Variants in RASA4B observed in about 807,000 individuals in gnomAD.
RASA4B encodes RAS p21 protein activator 4B, also known as ras GTPase-activating protein 4B.
A neutral mutation model predicts 24.2 loss-of-function variants in RASA4B; 2 were observed. The ratio of observed to expected loss-of-function variants is 0.08; its 90% confidence interval spans 0.03 to 0.26. The LOEUF (loss-of-function observed/expected upper bound fraction) is 0.26. RASA4B is among the 10% of genes least tolerant of loss of function. The pLI, the probability that RASA4B is intolerant of heterozygous loss-of-function variation, is 1.00. For synonymous variants in RASA4B, 2 were observed against 125.6 expected (o/e 0.02, Z 6.58); for missense variants, 8 against 277.2 (o/e 0.03, Z 6.90).
intron 15 of RASA4B, among the ~76,000 whole-genome samples, chr7:102,493,583 T>G (rs1389918898): frequency 2.4e-5 from 1 of 42,548 alleles, no homozygotes; most frequent in African/African-American, 3.8e-5. Context: ...GCGCAGATGA[T>G]GGGGGGGTGA....
At chr7:102,485,192 G>A (rs1798669717) in intron 18 of RASA4B, 33 bp from the exon 19 acceptor site, 1 of 604,048 alleles carries the variant, frequency 1.7e-6, no homozygotes, top group African/African-American at 1.9e-5. Context: ...GTTACGAGCA[G>A]ACACTTGGGA....
chr7:102,496,163 T>C lies in RASA4B; in HGVS notation c.1048A>G (p.Lys350Glu). ...ACCTTCAGAAAAGACTCCACGGACT[T>C]TGAGGCCAGAGAGTTGCTCCGGAAC... The part of the protein sequence containing the change: ...TLFRSNSLAS[K>E]SVESFLKVAG... The change falls in exon 11 of 21, where the codon AAG becomes GAG. Residue 350 changes from lysine (K) to glutamate (E), a missense_variant. By Grantham distance (56) the Lys-to-Glu change is moderately conservative. Coordinates refer to ENST00000465829, the MANE Select transcript of RASA4B (RefSeq NM_001367767.2). The C allele has an allele frequency of 6.2e-7, 1 of 1,613,814 alleles. No individual in the cohort carries two copies. The highest frequency in any genetic ancestry group is 8.5e-7 in the Non-Finnish European group (1 of 1,179,782).
Position 102,480,775 on chromosome 7 carries a change from CTTT to C in RASA4B, c.*2814_*2816del, listed in dbSNP as rs1798594861. On this transcript the variant is annotated 3_prime_UTR_variant, in exon 21 of 21. Coordinates refer to ENST00000465829, the MANE Select transcript of RASA4B (RefSeq NM_001367767.2). ...GACGCTTACAACACAACTGCAATATCTTTTTTGTTTGTTTGTTTGTTTTTGTAA... is the reference window on the plus strand; with the variant it reads ...GACGCTTACAACACAACTGCAATATCTTTGTTTGTTTGTTTGTTTTTGTAA... 1.7e-5 allele frequency among the ~76,000 whole-genome samples: 1 copy of C among 57,544 alleles called. No homozygotes were observed. Among genetic ancestry groups the C allele is most frequent in the Non-Finnish European group, 4.7e-5 (1 of 21,332 alleles). 37.8% of individuals were successfully genotyped at this position (57,544 alleles called of 152,430 possible).
At position 102,480,030 on chromosome 7, in the gene RASA4B, T is replaced by C. The variant is rs1262735094; in HGVS notation, c.*3562A>G. Among the ~76,000 whole-genome samples the C allele has an allele frequency of 6.6e-6, 1 of 152,152 alleles. No individual in the cohort carries two copies. The highest frequency in any genetic ancestry group is 1.9e-4 in the East Asian group (1 of 5,208). ...TATAATAATCCTCGCTCTACAATCATAACCTAGGAAACACCAGGCCATACA... is the reference window on the plus strand; with the variant it reads ...TATAATAATCCTCGCTCTACAATCACAACCTAGGAAACACCAGGCCATACA... On this transcript the variant is annotated 3_prime_UTR_variant, in exon 21 of 21. Transcript: ENST00000465829.
At chr7:102,500,529 A>G (rs1417584552) in intron 8 of RASA4B, among the ~76,000 whole-genome samples, 170 bp downstream of exon 8, 6 of 139,936 alleles carry the variant, frequency 4.3e-5, no homozygotes, top group Non-Finnish European at 6.4e-5. Context: ...GAGCCCAGCC[A>G]GGATGAGAAG....
At chr7:102,492,688 G>C (rs1274030187) in intron 16 of RASA4B, among the ~76,000 whole-genome samples, 1 of 138,446 alleles carries the variant, frequency 7.2e-6, no homozygotes, top group Non-Finnish European at 1.6e-5. Flanking sequence ...TTTTTGAGAC[G>C]GAGTCTTGCT....
intron 8 of RASA4B, among the ~76,000 whole-genome samples, chr7:102,500,285 A>C (rs1339108394): frequency 2.3e-5 from 2 of 85,324 alleles, no homozygotes; most frequent in Non-Finnish European, 5.0e-5. Context: ...ATCCTGGCTA[A>C]CATGGTGAAA....
chr7:102,486,658 G>GT (rs1172292426), intron 18 of RASA4B, among the ~76,000 whole-genome samples: 10 of 8,614 alleles, frequency 1.2e-3, no homozygotes, highest in South Asian at 5.0e-3. Context: ...TTTCTTTTCT[G>GT]TTTTTTTTTT....
intron 17 of RASA4B, among the ~76,000 whole-genome samples, chr7:102,490,648 G>T (rs1798896222): frequency 6.6e-6 from 1 of 152,232 alleles, no homozygotes. Context: ...ACCCTGCGGT[G>T]CCTGATGTAG....
intron 19 of RASA4B, among the ~76,000 whole-genome samples, chr7:102,484,621 G>C (rs1250344527): frequency 5.6e-5 from 7 of 125,322 alleles, no homozygotes; most frequent in East Asian, 6.7e-4. Context: ...AAGTATCCTG[G>C]CACCAGCCAC....
rs183856188 is a variant in RASA4B at position 102,480,042 on chromosome 7, C to A, written c.*3550G>T. Among the ~76,000 whole-genome samples, 395 of 151,778 alleles carry A rather than the reference C, an allele frequency of 2.6e-3. 6 individuals are homozygous for A. Among genetic ancestry groups the A allele is most frequent in the Admixed American group, 0.019 (289 of 15,190 alleles). On this transcript the variant is annotated 3_prime_UTR_variant, in exon 21 of 21. Coordinates refer to ENST00000465829, the MANE Select transcript of RASA4B (RefSeq NM_001367767.2). ...CGCTCTACAATCATAACCTAGGAAA[C>A]ACCAGGCCATACAGAGATAGGAGCT...
rs1287431655 is a variant in RASA4B, at chr7:102,493,586, G to A, written c.1660+239C>T. ...AAATGTCAACAGGCGCAGATGATGGGGGGGTGAGGCCATGGGTCTAGGGCT... is the reference window on the plus strand; with the variant it reads ...AAATGTCAACAGGCGCAGATGATGGAGGGGTGAGGCCATGGGTCTAGGGCT... On this transcript the variant is annotated intron_variant, in intron 15 of 20. Transcript: ENST00000465829. 6.7e-5 allele frequency among the ~76,000 whole-genome samples: 3 copies of A among 44,472 alleles called. 1 individual carries two copies. Among genetic ancestry groups the A allele is most frequent in the African/African-American group, 1.1e-4 (3 of 27,552 alleles). 29.2% of individuals were successfully genotyped at this position (44,472 alleles called of 152,430 possible).
At chr7:102,495,903 CGCCATGTTG>C (rs2133321045) in intron 11 of RASA4B, among the ~76,000 whole-genome samples, 1 of 146,984 alleles carries the variant, frequency 6.8e-6, no homozygotes, top group East Asian at 2.1e-4. Context: ...GATGGGGTTT[CGCCATGTTG>C]GCCAGGCTGG....
At chr7:102,495,555 GTGAGTGAA>G (rs1273821555) in intron 11 of RASA4B, among the ~76,000 whole-genome samples, 165 bp from the exon 12 acceptor site, 42 of 1,268 alleles carry the variant, frequency 0.033, no homozygotes, top group East Asian at 0.071. Context: ...GAATGAATGA[GTGAGTGAA>G]TGAATGACTA....
In RASA4B at chr7:102,481,060, CTTT is replaced by C. The variant is rs1259314157; in HGVS notation, c.*2529_*2531del. On this transcript the variant is annotated 3_prime_UTR_variant, in exon 21 of 21. Coordinates refer to ENST00000465829, the MANE Select transcript of RASA4B (RefSeq NM_001367767.2). ...TGTTGCAATTGGTTAAATATCTTCT[CTTT>C]TTTATACTTTTTATTGTAGTAAAAT... 2.2e-5 allele frequency among the ~76,000 whole-genome samples: 2 copies of C among 90,708 alleles called. 1 individual carries two copies. The highest frequency in any genetic ancestry group is 6.2e-5 in the African/African-American group (2 of 32,124). The allele number at this position is 90,708 out of a possible 152,430, so 59.5% of individuals were successfully genotyped here. A position where few individuals can be genotyped will look rare whatever the true frequency, so the allele number is the denominator to read the frequency against.
chr7:102,502,609 A>C (rs1315386914), intron 6 of RASA4B, among the ~76,000 whole-genome samples: 6 of 104,332 alleles, frequency 5.8e-5, no homozygotes, highest in Admixed American at 2.2e-4. Flanking sequence ...AAATACAAGA[A>C]ATTAGCCTGG....
rs1446317753 is a variant in RASA4B at position 102,480,056 on chromosome 7, G to T, written c.*3536C>A. On this transcript the variant is annotated 3_prime_UTR_variant, in exon 21 of 21. Transcript: ENST00000465829. Reference sequence around the variant, plus strand: ...AACCTAGGAAACACCAGGCCATACAGAGATAGGAGCTGAGGGGACAATGAG... The same window carrying T: ...AACCTAGGAAACACCAGGCCATACATAGATAGGAGCTGAGGGGACAATGAG... Among the ~76,000 whole-genome samples, 1 of 152,048 alleles carries T rather than the reference G, an allele frequency of 6.6e-6. No individual in the cohort carries two copies. Among genetic ancestry groups the T allele is most frequent in the East Asian group, 1.9e-4 (1 of 5,204 alleles).
chr7:102,490,787 CCCAGGGCATTCCCATAGCAT>C (rs536223836), intron 17 of RASA4B, among the ~76,000 whole-genome samples, 179 bp downstream of exon 17: 1,398 of 28,780 alleles, frequency 0.049, 3 homozygotes, highest in East Asian at 0.25. Context: ...TCCCACAGCA[CCCAGGGCATTCCCATAGCAT>C]CCAGGGCACT....
intron 5 of RASA4B, among the ~76,000 whole-genome samples, chr7:102,504,712 A>AAAC (rs1253999186): frequency 2.7e-5 from 4 of 148,130 alleles, no homozygotes; most frequent in Non-Finnish European, 5.9e-5. Context: ...AAAAAAAAAA[A>AAAC]AAACAGCCCG....
Sources: gnomAD v4.1 joint callset for allele counts (sites outside exome capture counted in the v4.1 genomes callset) on GRCh38, gnomAD v4.1.1 for gene constraint, MANE v1.5 for transcripts, NCBI Gene and HGNC (gene_info 2026-07-23, HGNC 2026-07-21) for gene names.